The following TANK variants were observed in gnomAD, a reference collection of about 807,000 sequenced individuals.
TANK encodes the protein TRAF family member associated NFKB activator.
In TANK, 15 loss-of-function variants were observed where a neutral mutation model predicts 43.6. The ratio of observed to expected loss-of-function variants is 0.34; its 90% confidence interval spans 0.23 to 0.53. TANK has a LOEUF of 0.53. TANK is among the 20% of genes least tolerant of loss of function. The pLI is 0.94. For missense variants in TANK, 417 were observed against 498.6 expected (o/e 0.84, Z 1.56); for synonymous variants, 162 against 178.2 (o/e 0.91, Z 0.73).
At chr2:161,190,826 T>A (rs1342307132) in intron 2 of TANK, among the ~76,000 whole-genome samples, 1 of 152,156 alleles carries the variant, frequency 6.6e-6, no homozygotes, top group African/African-American at 2.4e-5. Flanking sequence ...TACTGCGTAA[T>A]GGATACAGAG....
chr2:161,139,934 C>A (rs1428673189), intron 1 of TANK: 1 of 969,302 alleles, frequency 1.0e-6, no homozygotes, highest in Non-Finnish European at 1.2e-6. Flanking sequence ...ATCTTATATC[C>A]AACTTATATT....
chr2:161,179,644 T>G lies in TANK; in HGVS notation c.-19T>G. Reference sequence around the variant, plus strand: ...TCATTTACTCCATCCTTTATAGTGATGCTACAGGACGAAGAGGAATGGATA... The same window carrying G: ...TCATTTACTCCATCCTTTATAGTGAGGCTACAGGACGAAGAGGAATGGATA... On this transcript the variant is annotated 5_prime_UTR_variant, in exon 2 of 8. It removes an upstream start codon present in the reference 5' UTR. Transcript: ENST00000392749. The G allele has an allele frequency of 6.2e-7, 1 of 1,612,526 alleles. No individual in the cohort carries two copies. The highest frequency in any genetic ancestry group is 8.5e-7 in the Non-Finnish European group (1 of 1,179,198).
chr2:161,143,472 A>AT (rs1422659740), intron 1 of TANK, among the ~76,000 whole-genome samples: 2 of 152,096 alleles, frequency 1.3e-5, no homozygotes, highest in African/African-American at 4.8e-5. Context: ...AGCTCTTTTT[A>AT]TTTTGAGATA....
At chr2:161,193,426 G>A (rs1362451687) in intron 2 of TANK, among the ~76,000 whole-genome samples, 3 of 152,162 alleles carry the variant, frequency 2.0e-5, no homozygotes, top group Admixed American at 6.6e-5. Context: ...TATAAAAGTT[G>A]ACTTTTGTCT....
At chr2:161,188,847 CCATGAGGTCTCTGCCCCCCATGGG>C (rs1685785096) in intron 2 of TANK, among the ~76,000 whole-genome samples, 2 of 152,192 alleles carry the variant, frequency 1.3e-5, no homozygotes, top group South Asian at 4.1e-4. Flanking sequence ...GATGATTAGG[CCATGAGGTCTCTGCCCCCCATGGG>C]CATAATTAAT....
chr2:161,167,948 G>A (rs1221256337), intron 1 of TANK, among the ~76,000 whole-genome samples: 5 of 152,028 alleles, frequency 3.3e-5, no homozygotes, highest in African/African-American at 1.2e-4. Context: ...AAAGGCAAAA[G>A]AGAGCAAAGA....
chr2:161,193,830 G>C (rs1480328906), intron 2 of TANK, among the ~76,000 whole-genome samples: 1 of 152,168 alleles, frequency 6.6e-6, no homozygotes, highest in Non-Finnish European at 1.5e-5. Context: ...ATCTAGTAGT[G>C]AAGAAGGCTG....
chr2:161,143,306 C>T (rs929638314), intron 1 of TANK, among the ~76,000 whole-genome samples: 9 of 152,142 alleles, frequency 5.9e-5, no homozygotes, highest in East Asian at 5.8e-4. Flanking sequence ...TATCTGAATA[C>T]GCTTTATTTC....
intron 4 of TANK, among the ~76,000 whole-genome samples, chr2:161,218,730 T>C (rs1411151342): frequency 6.6e-6 from 1 of 152,212 alleles, no homozygotes; most frequent in African/African-American, 2.4e-5. Context: ...ATAATAGCTA[T>C]TTTCAAGAAG....
intron 7 of TANK, chr2:161,232,704 AT>A: frequency 6.5e-7 from 1 of 1,541,396 alleles, no homozygotes; most frequent in Non-Finnish European, 8.8e-7. Flanking sequence ...TTTTTTCTCT[AT>A]TATATGTCTT....
chr2:161,207,092 G>A (rs545260993), intron 4 of TANK, among the ~76,000 whole-genome samples: 27 of 152,138 alleles, frequency 1.8e-4, no homozygotes, highest in South Asian at 1.0e-3. Context: ...AGTATCAAAA[G>A]CAGACCTTCA....
chr2:161,211,282 A>G (rs542432261), intron 4 of TANK, among the ~76,000 whole-genome samples: 2 of 152,308 alleles, frequency 1.3e-5, no homozygotes, highest in African/African-American at 4.8e-5. Flanking sequence ...TCCCATCCTT[A>G]CACTGTTCAT....
Position 161,179,702 on chromosome 2 carries a change from G to A in TANK, c.40G>A (p.Glu14Lys). The stretch of plus-strand genomic sequence containing the variant: ...TGGCGAGCAACTCAATAAAGCGTAT[G>A]AAGCCTTCCGGCAGGCATGCATGGA... ...NIGEQLNKAY[E>K]AFRQACMDRD... Residue 14 changes from glutamate to lysine, a missense_variant, in exon 2 of 8, where the codon GAA (glutamate) becomes AAA (lysine). Coordinates refer to ENST00000392749, the MANE Select transcript of TANK (RefSeq NM_001199135.3). 1.2e-6 allele frequency: 2 copies of A among 1,613,246 alleles called. No individual in the cohort carries two copies. The highest frequency in any genetic ancestry group is 1.7e-6 in the Non-Finnish European group (2 of 1,179,496).
intron 2 of TANK, among the ~76,000 whole-genome samples, chr2:161,193,701 G>A (rs970401706): frequency 6.6e-6 from 1 of 152,124 alleles, no homozygotes; most frequent in African/African-American, 2.4e-5. Flanking sequence ...TCATTTCCTT[G>A]CCAGTGAGAA....
intron 1 of TANK, among the ~76,000 whole-genome samples, chr2:161,149,818 C>A (rs866134389): frequency 6.6e-6 from 1 of 151,456 alleles, no homozygotes; most frequent in East Asian, 1.9e-4. Flanking sequence ...ACCACCCTTG[C>A]GTTACAGGGA....
At chr2:161,190,264 A>C (rs1188173924) in intron 2 of TANK, among the ~76,000 whole-genome samples, 1 of 152,194 alleles carries the variant, frequency 6.6e-6, no homozygotes, top group Non-Finnish European at 1.5e-5. Flanking sequence ...ATGCTACTTC[A>C]CACCCATTGG....
chr2:161,144,347 T>C (rs1182592904), intron 1 of TANK, among the ~76,000 whole-genome samples: 4 of 152,198 alleles, frequency 2.6e-5, no homozygotes, highest in African/African-American at 9.6e-5. Flanking sequence ...TGTCTTCTGC[T>C]AGGTTTTGGA....
intron 2 of TANK, among the ~76,000 whole-genome samples, chr2:161,193,857 G>T (rs991109928): frequency 1.3e-5 from 2 of 152,156 alleles, no homozygotes; most frequent in Non-Finnish European, 2.9e-5. Context: ...ATATCCTCTA[G>T]CTGGGTGACC....
chr2:161,207,565 T>C, intron 4 of TANK: 1 of 984,194 alleles, frequency 1.0e-6, no homozygotes, highest in Non-Finnish European at 1.2e-6. Context: ...AATGGATAAA[T>C]TAGATTTATT....
Sources: gnomAD v4.1 joint callset for allele counts (sites outside exome capture counted in the v4.1 genomes callset) on GRCh38, gnomAD v4.1.1 for gene constraint, MANE v1.5 for transcripts, NCBI Gene and HGNC (gene_info 2026-07-23, HGNC 2026-07-21) for gene names.